The following STK32C variants were observed in gnomAD, a reference collection of about 807,000 sequenced individuals.
STK32C encodes serine/threonine kinase 32C.
Under a neutral mutation model 56.5 loss-of-function variants are expected in STK32C, and 31 were observed. The observed-to-expected ratio is 0.55, with a 90% CI of 0.41 to 0.74. STK32C has a LOEUF of 0.74. STK32C is among the 30% of genes least tolerant of loss of function. The pLI, the probability that STK32C is intolerant of heterozygous loss-of-function variation, is 0.00. For synonymous variants in STK32C, 309 were observed against 289.4 expected (o/e 1.07, Z -0.69); for missense variants, 544 against 676.9 (o/e 0.80, Z 2.18).
chr10:132,277,834 G>A (rs919683015), intron 1 of STK32C, among the ~76,000 whole-genome samples: 20 of 151,904 alleles, frequency 1.3e-4, no homozygotes, highest in African/African-American at 4.6e-4. Context: ...CTTCTCACCC[G>A]GGGCCCGACA....
intron 6 of STK32C, 84 bp from the exon 7 acceptor site, chr10:132,225,420 A>G: frequency 6.3e-7 from 1 of 1,584,164 alleles, no homozygotes; most frequent in South Asian, 1.1e-5. Context: ...TTGAGGCCAC[A>G]TCCCGAGACC....
intron 1 of STK32C, among the ~76,000 whole-genome samples, chr10:132,292,490 T>C (rs2065598481): frequency 6.6e-6 from 1 of 152,150 alleles, no homozygotes; most frequent in African/African-American, 2.4e-5. Context: ...TGCACACACA[T>C]TCACACATGC....
At chr10:132,310,715 T>G (rs527793349), upstream of STK32C, among the ~76,000 whole-genome samples, 5 of 152,192 alleles carry the variant, frequency 3.3e-5, no homozygotes, top group Admixed American at 6.5e-5. This position sits in a 1 kb window ranked among gnomAD's most constrained non-coding sequence, Gnocchi z 4.6. Flanking sequence ...AGTGACAATG[T>G]GACAGATAAA....
At chr10:132,224,314 A>G in intron 8 of STK32C, 93 bp downstream of exon 8, 1 of 907,288 alleles carries the variant, frequency 1.1e-6, no homozygotes, top group Non-Finnish European at 1.7e-6. Context: ...AGCGGCACTA[A>G]CTGTGCACTG....
intron 1 of STK32C, among the ~76,000 whole-genome samples, chr10:132,314,788 T>C (rs2066283379): frequency 6.6e-6 from 1 of 152,210 alleles, no homozygotes; most frequent in African/African-American, 2.4e-5. Flanking sequence ...AAAAGGAACA[T>C]TTCAAATGAT....
At chr10:132,226,990 C>T (rs1336343434) in intron 3 of STK32C, 22 bp from the exon 4 acceptor site, 3 of 1,612,096 alleles carry the variant, frequency 1.9e-6, no homozygotes, top group Admixed American at 1.7e-5. Flanking sequence ...GATGGAAGGC[C>T]TGTTGTGCGC....
chr10:132,230,308 C>T (rs1248714008), intron 2 of STK32C, among the ~76,000 whole-genome samples: 2 of 152,264 alleles, frequency 1.3e-5, no homozygotes, highest in South Asian at 4.1e-4. Context: ...CCGCTTCCCA[C>T]TGCCAACGGG....
intron 1 of STK32C, among the ~76,000 whole-genome samples, chr10:132,260,105 TGA>T (rs2064254306): frequency 6.6e-6 from 1 of 151,316 alleles, no homozygotes; most frequent in Non-Finnish European, 1.5e-5. Context: ...CTGATGATGT[TGA>T]GAGAGGGTCA....
intron 1 of STK32C, among the ~76,000 whole-genome samples, chr10:132,295,667 C>T (rs1419289237): frequency 2.6e-5 from 4 of 152,122 alleles, no homozygotes; most frequent in Admixed American, 6.5e-5. Flanking sequence ...GGGCGGATCA[C>T]GAGGTCAGGA....
chr10:132,287,320 G>A (rs950389513), intron 1 of STK32C, among the ~76,000 whole-genome samples: 14 of 151,702 alleles, frequency 9.2e-5, no homozygotes, highest in East Asian at 4.0e-4. Context: ...GTGAAACCCC[G>A]TCTCTACTAA....
chr10:132,218,618 C>T (rs1301032266), intron 10 of STK32C, among the ~76,000 whole-genome samples: 1 of 152,112 alleles, frequency 6.6e-6, no homozygotes, highest in Non-Finnish European at 1.5e-5. Context: ...AAATGGCACA[C>T]CTGCTGTAGA....
intron 2 of STK32C, among the ~76,000 whole-genome samples, chr10:132,234,940 G>A (rs2063223085): frequency 6.6e-6 from 1 of 152,260 alleles, no homozygotes; most frequent in African/African-American, 2.4e-5. Context: ...GGGACCTAGG[G>A]CAGGGATACA....
downstream of STK32C, among the ~76,000 whole-genome samples, chr10:132,321,147 C>G (rs938883767): frequency 6.6e-6 from 1 of 152,074 alleles, no homozygotes; most frequent in Non-Finnish European, 1.5e-5. Context: ...CGAAGTGGGC[C>G]CTGGATGTCC....
intron 10 of STK32C, among the ~76,000 whole-genome samples, chr10:132,222,128 C>T (rs561995968): frequency 4.7e-5 from 7 of 148,924 alleles, no homozygotes; most frequent in African/African-American, 7.4e-5. Flanking sequence ...CTGATGCTGA[C>T]GCACCTGGGC....
intron 10 of STK32C, among the ~76,000 whole-genome samples, chr10:132,219,835 T>C (rs2062579015): frequency 6.6e-6 from 1 of 152,102 alleles, no homozygotes; most frequent in South Asian, 2.1e-4. Context: ...ACCCGTCTTC[T>C]GCCCAGGAGC....
downstream of STK32C, among the ~76,000 whole-genome samples, chr10:132,319,277 AT>A (rs2066362506): frequency 6.6e-6 from 1 of 152,178 alleles, no homozygotes; most frequent in East Asian, 1.9e-4. Flanking sequence ...AAAACAGTTC[AT>A]TTATTTTAAA....
intron 1 of STK32C, among the ~76,000 whole-genome samples, chr10:132,301,133 G>A (rs1042780785): frequency 3.4e-5 from 5 of 148,704 alleles, no homozygotes; most frequent in African/African-American, 1.2e-4. Context: ...GCTTCCTAAC[G>A]CCCAGTAGAA....
intron 2 of STK32C, among the ~76,000 whole-genome samples, chr10:132,233,033 T>C (rs1274236338): frequency 6.6e-6 from 1 of 152,200 alleles, no homozygotes; most frequent in Non-Finnish European, 1.5e-5. Flanking sequence ...AACCACCTCC[T>C]AATCCTTCCT....
chr10:132,307,733 G>T lies in STK32C; in HGVS notation c.101C>A (p.Ala34Asp), dbSNP rs769356363. The T allele has an allele frequency of 3.5e-6, 4 of 1,148,996 alleles. No individual in the cohort carries two copies. The highest frequency in any genetic ancestry group is 4.3e-6 in the Non-Finnish European group (4 of 932,724). The allele number at this position is 1,148,996 out of a possible 1,614,324, so 71.2% of individuals were successfully genotyped here. A position where few individuals can be genotyped will look rare whatever the true frequency, so the allele number is the denominator to read the frequency against. ...ARPAGSDAPSALPPPAAGQPR... is the reference protein window; with the variant it reads ...ARPAGSDAPSDLPPPAAGQPR... Reference sequence around the variant, plus strand: ...CTGGCCAGCAGCGGGCGGCGGCAGGGCCGAGGGCGCGTCGGAGCCGGCGGG... The same window carrying T: ...CTGGCCAGCAGCGGGCGGCGGCAGGTCCGAGGGCGCGTCGGAGCCGGCGGG... The change falls in exon 1 of 12, where the codon GCC becomes GAC. Residue 34 changes from alanine to aspartate, a missense_variant. Transcript: ENST00000298630. The surrounding 1 kb of genome is among the most constrained non-coding windows in gnomAD (Gnocchi z 4.4).
Sources: gnomAD v4.1 joint callset for allele counts (sites outside exome capture counted in the v4.1 genomes callset) on GRCh38, gnomAD v4.1.1 for gene constraint, Gnocchi (gnomAD v3.1) non-coding constraint, MANE v1.5 for transcripts, NCBI Gene and HGNC (gene_info 2026-07-23, HGNC 2026-07-21) for gene names.